SNURF: variants seen among roughly 807,000 people sequenced by gnomAD.
The protein encoded by SNURF is SNRPN upstream open reading frame.
Under a neutral mutation model 11.6 loss-of-function variants are expected in SNURF, and 6 were observed. That is an observed-to-expected ratio of 0.52 (90% confidence interval 0.28 to 1.02). SNURF has a LOEUF of 1.02. Ranked by LOEUF, SNURF falls within the 50% of genes least tolerant of loss-of-function variation. The pLI is 0.09. For missense variants in SNURF, 84 were observed against 88.4 expected (o/e 0.95, Z 0.20); for synonymous variants, 29 against 31.6 (o/e 0.92, Z 0.27).
At chr15:24,974,570 A>G (rs2076845413) in intron 3 of SNURF, 2 of 961,714 alleles carry the variant, frequency 2.1e-6, no homozygotes, top group African/African-American at 1.6e-5. Context: ...GGATACATCC[A>G]TGGATATGGA....
chr15:24,974,593 T>C (rs1566974527), intron 3 of SNURF: 5 of 853,772 alleles, frequency 5.9e-6, no homozygotes, highest in Non-Finnish European at 1.0e-5. Flanking sequence ...CTCATTGCAT[T>C]GAGTATCAGC....
chr15:24,956,066 C>T (rs2062810767), intron 1 of SNURF, among the ~76,000 whole-genome samples: 1 of 152,066 alleles, frequency 6.6e-6, no homozygotes, highest in Admixed American at 6.5e-5. Context: ...GCCGCAGGGG[C>T]TGCAGAAATG....
chr15:24,963,210 T>C (rs2075112181), intron 2 of SNURF, among the ~76,000 whole-genome samples: 2 of 152,234 alleles, frequency 1.3e-5, no homozygotes, highest in African/African-American at 4.8e-5. Context: ...TACCTTATTT[T>C]ACAAAGTGTG....
At chr15:24,975,439 G>A in exon 4 of SNURF, 1 of 1,613,264 alleles carries the variant, frequency 6.2e-7, no homozygotes. Context: ...AATCTTCATT[G>A]GCACCTTTAA....
intron 1 of SNURF, among the ~76,000 whole-genome samples, chr15:24,956,965 G>T (rs752040038): frequency 6.6e-6 from 1 of 152,226 alleles, no homozygotes; most frequent in Non-Finnish European, 1.5e-5. Flanking sequence ...CTCCATTAAT[G>T]ATAGAGATTT....
chr15:24,969,743 G>T (rs892531706), downstream of SNURF, among the ~76,000 whole-genome samples: 1 of 152,100 alleles, frequency 6.6e-6, no homozygotes, highest in East Asian at 1.9e-4. Flanking sequence ...TCTTATTCTA[G>T]TCTCAACTGC....
At chr15:24,957,033 C>T (rs1266912674) in intron 1 of SNURF, among the ~76,000 whole-genome samples, 2 of 152,148 alleles carry the variant, frequency 1.3e-5, no homozygotes, top group Non-Finnish European at 2.9e-5. Context: ...TAGTTCCTCT[C>T]TTGGTTGTAT....
rs2074176766 is a variant in SNURF, at chr15:24,958,432, ATTG to A, written c.14+3373_14+3375del. On this transcript the variant is annotated intron_variant, in intron 1 of 2. Transcript: ENST00000577949. ...CCAGGGCCAGAAAGCTTGAGTGAGA[ATTG>A]TTACTACTTAAGGTAGCCTCTCTCC... Among the ~76,000 whole-genome samples the A allele has an allele frequency of 2.9e-5, 4 of 137,526 alleles. No individual in the cohort carries two copies. The South Asian group carries it at 1.0e-3, about 35-fold the overall frequency. 90.2% of individuals were successfully genotyped at this position (137,526 alleles called of 152,430 possible). A position where few individuals can be genotyped will look rare whatever the true frequency, so the allele number is the denominator to read the frequency against.
At chr15:24,978,213 G>A, downstream of SNURF, 1 of 1,613,856 alleles carries the variant, frequency 6.2e-7, no homozygotes, top group Admixed American at 1.7e-5. Context: ...TCCTCCACCT[G>A]GTATGAGACC....
At chr15:24,977,193 C>T (rs1241006461) in intron 6 of SNURF, among the ~76,000 whole-genome samples, 1 of 152,194 alleles carries the variant, frequency 6.6e-6, no homozygotes, top group East Asian at 1.9e-4. Context: ...AAACTAGCTG[C>T]TTAAAATGGT....
chr15:24,962,282 T>C, intron 2 of SNURF, 73 bp downstream of exon 2: 1 of 1,188,584 alleles, frequency 8.4e-7, no homozygotes, highest in South Asian at 1.2e-5. Context: ...TATCATGCAA[T>C]GAGGGGATTA....
At chr15:24,955,916 T>C (rs1306895197) in intron 1 of SNURF, among the ~76,000 whole-genome samples, 9 of 151,726 alleles carry the variant, frequency 5.9e-5, no homozygotes, top group African/African-American at 2.2e-4. Context: ...CGCTGAATGA[T>C]TGCTGTGTAG....
chr15:24,974,484 G>A (rs142139027), intron 3 of SNURF: 1 of 1,610,978 alleles, frequency 6.2e-7, no homozygotes, highest in African/African-American at 1.3e-5. Context: ...GCTGAGGGTT[G>A]AAATGTGCTG....
downstream of SNURF, chr15:24,978,609 C>A (rs534861445): frequency 3.6e-4 from 249 of 699,124 alleles, no homozygotes; most frequent in Non-Finnish European, 5.1e-4. Context: ...ATTTTTTTGC[C>A]TGTTGATTTT....
downstream of SNURF, chr15:24,977,996 C>A: frequency 1.4e-6 from 2 of 1,382,454 alleles, no homozygotes; most frequent in Non-Finnish European, 2.0e-6. Context: ...AGCCTGAGAG[C>A]CTAAGAATTT....
intron 1 of SNURF, among the ~76,000 whole-genome samples, chr15:24,956,871 C>T (rs761361641): frequency 1.3e-5 from 2 of 152,196 alleles, no homozygotes; most frequent in African/African-American, 4.8e-5. Context: ...TGCTTTTCAG[C>T]TCTGCAGTAA....
At chr15:24,955,198 AC>A in intron 1 of SNURF, 136 bp downstream of exon 1, 2 of 1,209,856 alleles carry the variant, frequency 1.7e-6, no homozygotes, top group Non-Finnish European at 2.4e-6. Flanking sequence ...GTTCTGGAGA[AC>A]CAGATCCGGA....
exon 1 of SNURF, chr15:24,954,990 G>A (rs1299952105): frequency 6.2e-7 from 1 of 1,609,274 alleles, no homozygotes; most frequent in Non-Finnish European, 8.5e-7. Context: ...GTCTGGCGCA[G>A]AGTGGAGCGG....
At chr15:24,978,332 T>G (rs148422593), downstream of SNURF, 757 of 1,614,094 alleles carry the variant, frequency 4.7e-4, 2 homozygotes, top group African/African-American at 8.9e-3. Flanking sequence ...AGTGGGAGCA[T>G]AGGGGTTTGA....
Sources: allele counts gnomAD v4.1 joint callset (sites outside exome capture counted in the v4.1 genomes callset), GRCh38; gene constraint gnomAD v4.1.1; transcripts MANE v1.5; gene names NCBI Gene and HGNC (gene_info 2026-07-23, HGNC 2026-07-21).